TTC23L: variants seen among roughly 807,000 people sequenced by gnomAD.
TTC23L encodes the protein tetratricopeptide repeat domain 23 like, also known as tetratricopeptide repeat protein 23-like.
TTC23L carries 42 observed loss-of-function variants against 48.1 expected under a neutral mutation model. That is an observed-to-expected ratio of 0.87 (90% CI 0.68 to 1.13). The LOEUF is 1.13. Ranked by LOEUF, TTC23L falls within the 50% of genes most tolerant of loss-of-function variation. The pLI is 0.00. For synonymous variants in TTC23L, 159 were observed against 157.2 expected (o/e 1.01, Z -0.09); for missense variants, 391 against 421.0 (o/e 0.93, Z 0.62).
chr5:34,885,270 T>C (rs1762477321), intron 9 of TTC23L, among the ~76,000 whole-genome samples: 1 of 152,156 alleles, frequency 6.6e-6, no homozygotes, highest in Admixed American at 6.5e-5. Context: ...ATGCAATACA[T>C]GATGATTAGA....
downstream of TTC23L, among the ~76,000 whole-genome samples, chr5:34,902,825 A>C (rs1216184848): frequency 6.6e-6 from 1 of 152,128 alleles, no homozygotes; most frequent in Non-Finnish European, 1.5e-5. Context: ...TTGGCCTATC[A>C]TTGTTCATTT....
At chr5:34,845,391 C>A (rs1403818753) in intron 2 of TTC23L, 96 bp from the exon 3 acceptor site, 3 of 1,255,496 alleles carry the variant, frequency 2.4e-6, no homozygotes, top group Admixed American at 2.4e-5. Flanking sequence ...AAATCATGTC[C>A]CTATCCCCTA....
intron 9 of TTC23L, among the ~76,000 whole-genome samples, chr5:34,881,263 T>C (rs965458405): frequency 1.3e-5 from 2 of 152,352 alleles, no homozygotes; most frequent in Non-Finnish European, 1.5e-5. Context: ...GTAGTGGTTT[T>C]CTCTTGATCT....
chr5:34,883,960 A>T (rs1762396347), intron 9 of TTC23L, among the ~76,000 whole-genome samples: 1 of 152,230 alleles, frequency 6.6e-6, no homozygotes, highest in Non-Finnish European at 1.5e-5. Context: ...CTACAAGAAC[A>T]CTACAGGTCA....
chr5:34,920,890 A>C, the TTC23L span: 3 of 152,048 alleles, frequency 2.0e-5, no homozygotes, highest in South Asian at 6.2e-4. Flanking sequence ...TGGAGACAAA[A>C]GTCTCTCTCT....
intron 4 of TTC23L, chr5:34,860,830 A>G (rs1298742235): frequency 6.6e-6 from 1 of 151,932 alleles, no homozygotes. Flanking sequence ...TTTCTTTCCT[A>G]CTAGGTGAGA....
At chr5:34,873,639 T>C (rs1761630600) in intron 8 of TTC23L, among the ~76,000 whole-genome samples, 1 of 152,190 alleles carries the variant, frequency 6.6e-6, no homozygotes, top group African/African-American at 2.4e-5. Context: ...TAGCCTGAAG[T>C]TGCTGTTCTG....
chr5:34,919,959 G>A, the TTC23L span: 1 of 589,772 alleles, frequency 1.7e-6, no homozygotes, highest in Non-Finnish European at 3.0e-6. Flanking sequence ...AAGTCATTCA[G>A]TGACTTTAAA....
intron 9 of TTC23L, among the ~76,000 whole-genome samples, chr5:34,891,746 C>G (rs1320315800): frequency 6.6e-6 from 1 of 152,194 alleles, no homozygotes; most frequent in East Asian, 1.9e-4. Context: ...ATAGACACTT[C>G]AGAATATCTG....
rs533461819 is a variant in TTC23L, at chr5:34,851,955, A to G, written c.379+1647A>G. On this transcript the variant is annotated intron_variant, in intron 4 of 10. Transcript: ENST00000505624. ...GGGGAGGCAGTTCAGTGGTATTGCC[A>G]TTGAGGAAAGTCAGGGAAGGCTGCC... is the stretch of plus-strand genomic sequence containing the variant. Among the ~76,000 whole-genome samples, 6 of 152,312 alleles carry G rather than the reference A, an allele frequency of 3.9e-5. No homozygotes were observed. In the South Asian group the frequency reaches 1.2e-3, roughly 32 times the overall value.
chr5:34,899,017 TGAG>T (rs973985449), intron 10 of TTC23L, among the ~76,000 whole-genome samples: 1 of 152,110 alleles, frequency 6.6e-6, no homozygotes, highest in Admixed American at 6.5e-5. Context: ...TCCGAGCTCG[TGAG>T]AAGAAACCAC....
rs1308971929 is a variant in TTC23L at position 34,840,014 on chromosome 5, C to T, written c.-7-651C>T. ...TCAAGCGATTCTCCTGCCTCAGCCT[C>T]CCGAGTAGCTGGAACTACAGGCGTG... On this transcript the variant is annotated intron_variant, in intron 1 of 10. Coordinates refer to ENST00000505624, the Ensembl canonical transcript of TTC23L. Among the ~76,000 whole-genome samples, 4 of 152,334 alleles carry T rather than the reference C, an allele frequency of 2.6e-5. No homozygotes were observed. In the East Asian group the frequency reaches 5.8e-4, roughly 22 times the overall value.
chr5:34,865,797 T>C (rs965590559), intron 6 of TTC23L, among the ~76,000 whole-genome samples: 1 of 152,206 alleles, frequency 6.6e-6, no homozygotes, highest in Non-Finnish European at 1.5e-5. Flanking sequence ...ACTCCTGGGC[T>C]CAGCCTCCTC....
At chr5:34,845,806 A>G in intron 3 of TTC23L, 133 bp downstream of exon 3, 1 of 935,042 alleles carries the variant, frequency 1.1e-6, no homozygotes, top group East Asian at 2.7e-5. Context: ...AGTAGCAGAA[A>G]ACAAAGCAGA....
chr5:34,846,579 ATAT>A lies in TTC23L; in HGVS notation c.255+907_255+909del, dbSNP rs1561120247. 6.8e-4 allele frequency among the ~76,000 whole-genome samples: 42 copies of A among 62,104 alleles called. 8 individuals are homozygous for A. Among genetic ancestry groups the A allele is most frequent in the African/African-American group, 4.4e-3 (39 of 8,906 alleles). The allele number at this position is 62,104 out of a possible 152,430, so 40.7% of individuals were successfully genotyped here. ...TCTGTCTCAAAAAAAAAAAAAAAAT[ATAT>A]ATATATATATATATATATACACACA... On this transcript the variant is annotated intron_variant, in intron 3 of 10. Coordinates refer to ENST00000505624, the Ensembl canonical transcript of TTC23L.
At chr5:34,858,191 G>A (rs1380071538) in intron 4 of TTC23L, among the ~76,000 whole-genome samples, 1 of 152,216 alleles carries the variant, frequency 6.6e-6, no homozygotes, top group East Asian at 1.9e-4. Flanking sequence ...TGCACTGTCA[G>A]TGCAGGTAGA....
At chr5:34,862,655 T>G (rs992748469) in intron 4 of TTC23L, among the ~76,000 whole-genome samples, 2 of 152,132 alleles carry the variant, frequency 1.3e-5, no homozygotes, top group African/African-American at 4.8e-5. Flanking sequence ...AGATTAAAAT[T>G]AGAGATTCCT....
At chr5:34,907,160 T>C in the TTC23L span, 1 of 152,212 alleles carries the variant, frequency 6.6e-6, no homozygotes, top group Admixed American at 6.5e-5. Flanking sequence ...TTTGCTGTAA[T>C]ACTCTCCAAA....
chr5:34,911,069 CTTGGTTT>C, the TTC23L span, among the ~76,000 whole-genome samples: 1 of 152,150 alleles, frequency 6.6e-6, no homozygotes, highest in Admixed American at 6.5e-5. Flanking sequence ...TTGGCTTCAC[CTTGGTTT>C]TAAGCTGTTC....
Sources: allele counts gnomAD v4.1 joint callset (sites outside exome capture counted in the v4.1 genomes callset), GRCh38; gene constraint gnomAD v4.1.1; transcripts MANE v1.5; gene names NCBI Gene and HGNC (gene_info 2026-07-23, HGNC 2026-07-21).